Variants in DCAF1 observed in about 807,000 individuals in gnomAD.
DCAF1 encodes DDB1- and CUL4-associated factor 1.
DCAF1 carries 15 observed loss-of-function variants against 128.0 expected under a neutral mutation model. That is an observed-to-expected ratio of 0.12 (90% confidence interval 0.08 to 0.18). DCAF1 has a LOEUF of 0.18. Among genes scored for constraint, DCAF1 ranks in the 10% least tolerant of loss-of-function variants. The pLI, the probability that DCAF1 is intolerant of heterozygous loss-of-function variation, is 1.00. For synonymous variants in DCAF1, 610 were observed against 603.0 expected, an observed-to-expected ratio of 1.01 and a Z score of -0.17; for missense variants, 988 against 1,649.5, an observed-to-expected ratio of 0.60 and a Z score of 6.95.
intron 23 of DCAF1, 33 bp downstream of exon 23, chr3:51,412,346 G>C (rs1559479357): frequency 6.2e-7 from 1 of 1,612,922 alleles, no homozygotes; most frequent in Non-Finnish European, 8.5e-7. Context: ...ATTAAGCACT[G>C]TTCAGCAGAA....
chr3:51,471,149 A>C, intron 3 of DCAF1, 144 bp from the exon 4 acceptor site: 1 of 481,760 alleles, frequency 2.1e-6, no homozygotes, highest in Non-Finnish European at 3.7e-6. Flanking sequence ...AGAAATCTAC[A>C]CAATTATCTC....
chr3:51,479,608 G>C (rs1705912247), intron 3 of DCAF1, among the ~76,000 whole-genome samples: 1 of 151,888 alleles, frequency 6.6e-6, no homozygotes, highest in Non-Finnish European at 1.5e-5. Flanking sequence ...CTAACACGGT[G>C]AAACCTGAAA....
chr3:51,430,914 T>C (rs1700311501), intron 10 of DCAF1, among the ~76,000 whole-genome samples: 1 of 152,080 alleles, frequency 6.6e-6, no homozygotes, highest in Admixed American at 6.6e-5. Flanking sequence ...GTCCCAGAAA[T>C]AGAAGTAACA....
At chr3:51,414,991 A>G (rs1186805392) in intron 18 of DCAF1, 134 bp from the exon 19 acceptor site, 3 of 1,351,428 alleles carry the variant, frequency 2.2e-6, no homozygotes, top group Admixed American at 2.6e-5. Flanking sequence ...ACCACAGAAT[A>G]CTGCCTCCCA....
rs1553631840 is a variant in DCAF1, at chr3:51,420,039, C to G, written c.2931G>C (p.Gln977His). 6.2e-7 allele frequency: 1 copy of G among 1,614,028 alleles called. No individual in the cohort carries two copies. Among genetic ancestry groups the G allele is most frequent in the South Asian group, 1.1e-5 (1 of 91,090 alleles). Residue 977 changes from glutamine to histidine, a missense_variant, in exon 15 of 25, where the codon CAG becomes CAC. By Grantham distance (24) the Gln-to-His change is conservative. Around this residue, in one of 11 missense-constraint regions of DCAF1, gnomAD observed 105 missense variants for 266.7 expected, o/e 0.39. Coordinates refer to ENST00000684031, the MANE Select transcript of DCAF1 (RefSeq NM_001387579.1). This position sits in a 1 kb window ranked among gnomAD's most constrained non-coding sequence, Gnocchi z 6.5. ...CNGRKIRVLRQKSDHGAYSQS... is the reference protein window; with the variant it reads ...CNGRKIRVLRHKSDHGAYSQS... Reference sequence around the variant, plus strand: ...GGCTGTAGGCACCATGGTCCGACTTCTGCCGCAACACTCTGATTTTCCTGC... The same window carrying G: ...GGCTGTAGGCACCATGGTCCGACTTGTGCCGCAACACTCTGATTTTCCTGC...
chr3:51,428,197 C>A (rs751343630), intron 12 of DCAF1, among the ~76,000 whole-genome samples: 10 of 149,854 alleles, frequency 6.7e-5, no homozygotes, highest in Non-Finnish European at 1.3e-4. Flanking sequence ...TTTTTTTTTT[C>A]TTGAGACTGG....
chr3:51,433,745 G>A (rs903175693), intron 9 of DCAF1, among the ~76,000 whole-genome samples: 1 of 150,878 alleles, frequency 6.6e-6, no homozygotes, highest in Non-Finnish European at 1.5e-5. Flanking sequence ...TTACAGGCGT[G>A]AGCCACCATG....
chr3:51,501,007 A>C (rs1553664097), upstream of DCAF1, among the ~76,000 whole-genome samples: 1 of 151,888 alleles, frequency 6.6e-6, no homozygotes, highest in East Asian at 1.9e-4. Flanking sequence ...TGTAGAGACG[A>C]AGTCCCACTG....
intron 2 of DCAF1, among the ~76,000 whole-genome samples, chr3:51,495,007 A>T (rs1708078723): frequency 6.6e-6 from 1 of 152,038 alleles, no homozygotes; most frequent in Non-Finnish European, 1.5e-5. Flanking sequence ...CCTTAGTGAG[A>T]CCTTGTCTCT....
intron 4 of DCAF1, among the ~76,000 whole-genome samples, chr3:51,468,878 G>A (rs1199200007): frequency 1.3e-5 from 2 of 152,162 alleles, no homozygotes; most frequent in African/African-American, 4.8e-5. Flanking sequence ...TCCAGGCAAT[G>A]ACATTCAGCA....
chr3:51,473,002 C>A (rs1164706293), intron 3 of DCAF1, among the ~76,000 whole-genome samples: 1 of 151,038 alleles, frequency 6.6e-6, no homozygotes, highest in Non-Finnish European at 1.5e-5. Context: ...AATGGCTGGG[C>A]ACAGTGGCTC....
chr3:51,497,112 C>T (rs1203830104), intron 1 of DCAF1, among the ~76,000 whole-genome samples: 5 of 151,794 alleles, frequency 3.3e-5, no homozygotes, highest in African/African-American at 9.7e-5. Context: ...CTGGCCAACG[C>T]GGCAAATCCC....
intron 3 of DCAF1, among the ~76,000 whole-genome samples, chr3:51,475,603 C>T (rs1311642298): frequency 4.6e-5 from 7 of 151,428 alleles, no homozygotes; most frequent in South Asian, 4.2e-4. Context: ...GGCTTACGCC[C>T]GTAATCCCAG....
intron 20 of DCAF1, 60 bp from the exon 21 acceptor site, chr3:51,413,446 G>C: frequency 6.4e-7 from 1 of 1,557,840 alleles, no homozygotes; most frequent in Non-Finnish European, 8.7e-7. Context: ...CTCTTCACAA[G>C]TGCAGAAAAT....
chr3:51,418,035 C>G (rs961935961), intron 17 of DCAF1, 81 bp downstream of exon 17: 3 of 1,510,918 alleles, frequency 2.0e-6, no homozygotes, highest in Non-Finnish European at 2.7e-6. Flanking sequence ...CCCCAAAAGG[C>G]TTCCAGTCTA....
At position 51,469,509 on chromosome 3, in the gene DCAF1, C is replaced by T. The variant is rs181457499; in HGVS notation, c.187+1420G>A. ...CCTCCCAAAGTGCTGAGATTACAGG[C>T]GTGAGCCACAGCGCCAGGCCAAAAT... On this transcript the variant is annotated intron_variant, in intron 4 of 24. Coordinates refer to ENST00000684031, the MANE Select transcript of DCAF1 (RefSeq NM_001387579.1). 1.1e-4 allele frequency among the ~76,000 whole-genome samples: 16 copies of T among 152,012 alleles called. 1 individual carries two copies. Among genetic ancestry groups the T allele is most frequent in the South Asian group, 6.2e-4 (3 of 4,810 alleles).
chr3:51,422,247 G>A, intron 14 of DCAF1, 60 bp downstream of exon 14: 1 of 722,500 alleles, frequency 1.4e-6, no homozygotes, highest in Non-Finnish European at 2.6e-6. Flanking sequence ...CAAGACCAGA[G>A]TGGCAAAGAA....
At chr3:51,497,002 T>A (rs782052993) in intron 1 of DCAF1, among the ~76,000 whole-genome samples, 6 of 152,136 alleles carry the variant, frequency 3.9e-5, no homozygotes, top group Non-Finnish European at 8.8e-5. Context: ...GGCATAATAT[T>A]AACAACTGTT....
chr3:51,405,259 A>C (rs2090024920), intron 23 of DCAF1, among the ~76,000 whole-genome samples: 1 of 152,234 alleles, frequency 6.6e-6, no homozygotes, highest in South Asian at 2.1e-4. Flanking sequence ...CAGAAAATTC[A>C]TGAAGACAAT....
Sources: gnomAD v4.1 joint callset for allele counts (sites outside exome capture counted in the v4.1 genomes callset) on GRCh38, gnomAD v4.1.1 for gene constraint, gnomAD v4.1.1 regional missense constraint, Gnocchi (gnomAD v3.1) non-coding constraint, MANE v1.5 for transcripts, NCBI Gene and HGNC (gene_info 2026-07-23, HGNC 2026-07-21) for gene names.